UBASH3A: variants seen among roughly 807,000 people sequenced by gnomAD.
The protein encoded by UBASH3A is ubiquitin associated and SH3 domain containing A, also known as ubiquitin-associated and SH3 domain-containing protein A.
Under a neutral mutation model 73.5 loss-of-function variants are expected in UBASH3A, and 63 were observed. The observed-to-expected ratio is 0.86, with a 90% CI of 0.70 to 1.06. UBASH3A has a LOEUF of 1.06. Among genes scored for constraint, UBASH3A ranks in the 50% least tolerant of loss-of-function variants. The probability of loss-of-function intolerance (pLI) is 0.00; values close to 1 mark genes in which losing one functional copy is unlikely to be tolerated. For synonymous variants in UBASH3A, 363 were observed against 351.1 expected (o/e 1.03, Z -0.38); for missense variants, 860 against 859.0 (o/e 1.00, Z -0.02).
At chr21:42,412,075 G>A (rs2053109796) in intron 3 of UBASH3A, among the ~76,000 whole-genome samples, 1 of 152,222 alleles carries the variant, frequency 6.6e-6, no homozygotes, top group Admixed American at 6.5e-5. Context: ...ACTCCCGCCA[G>A]GAGGGTGTGG....
intron 7 of UBASH3A, 125 bp downstream of exon 7, chr21:42,418,734 C>T: frequency 1.2e-6 from 1 of 849,790 alleles, no homozygotes; most frequent in Non-Finnish European, 1.8e-6. Context: ...TGTATGCTGA[C>T]AAAATTATTC....
chr21:42,407,552 C>T (rs2053003204), intron 2 of UBASH3A, among the ~76,000 whole-genome samples: 1 of 152,240 alleles, frequency 6.6e-6, no homozygotes, highest in Non-Finnish European at 1.5e-5. Context: ...CCTAGACTGT[C>T]AAGAGCACCC....
chr21:42,418,555 T>C lies in UBASH3A; in HGVS notation c.992T>C (p.Leu331Pro), dbSNP rs2053270427. ...CAGCGGACGGGCTGCCGGGGCTTCC[T>C]GCCGGAAAACTACACGGATCGAGCC... ...ISQRTGCRGF[L>P]PENYTDRASE... The change falls in exon 7 of 15, where the codon CTG becomes CCG. Residue 331 changes from leucine to proline, a missense_variant. By Grantham distance (98) the Leu-to-Pro change is moderately conservative. Transcript: ENST00000319294. 2.5e-6 allele frequency: 4 copies of C among 1,614,180 alleles called. No homozygotes were observed. The highest frequency in any genetic ancestry group is 2.5e-6 in the Non-Finnish European group (3 of 1,180,028).
intron 11 of UBASH3A, 119 bp from the exon 12 acceptor site, chr21:42,442,333 T>A: frequency 1.9e-6 from 2 of 1,046,828 alleles, no homozygotes. Flanking sequence ...AAAATCACAC[T>A]GTTTAAAAGG....
In UBASH3A at chr21:42,439,880, C is replaced by T. The variant is rs111730085; in HGVS notation, c.1486+2300C>T. On this transcript the variant is annotated intron_variant, in intron 11 of 14. Transcript: ENST00000319294. ...CACACCACACACATAACATACAACA[C>T]GCTGAACACACATACCACACACACA... Among the ~76,000 whole-genome samples the T allele has an allele frequency of 7.3e-3, 1,056 of 144,924 alleles. 13 individuals are homozygous for T. The highest frequency in any genetic ancestry group is 0.026 in the African/African-American group (1,008 of 39,132).
chr21:42,426,689 C>G lies in UBASH3A; in HGVS notation c.1047-8C>G, dbSNP rs773200853. On this transcript the variant is annotated splice_polypyrimidine_tract_variant and splice_region_variant and intron_variant, in intron 7 of 14. Transcript: ENST00000319294. ...TTCTGTTCAAGCCGTGCTTTCCTTC[C>G]CCTGCAGGATGTACACCTTCAGTCT... 1 of 1,613,182 alleles carries G rather than the reference C, an allele frequency of 6.2e-7. No individual in the cohort carries two copies. Among genetic ancestry groups the G allele is most frequent in the African/African-American group, 1.3e-5 (1 of 74,880 alleles).
Position 42,409,595 on chromosome 21 carries a change from G to A in UBASH3A, c.341G>A (p.Cys114Tyr). 3 of 1,611,416 alleles carry A rather than the reference G, an allele frequency of 1.9e-6. No individual in the cohort carries two copies. The highest frequency in any genetic ancestry group is 2.5e-6 in the Non-Finnish European group (3 of 1,178,886). The change falls in exon 3 of 15, where the codon TGT (cysteine) becomes TAT (tyrosine). Residue 114 changes from cysteine (C) to tyrosine (Y), a missense_variant. Transcript: ENST00000319294. ...GAGGTCTTCCCACACGTGACACTCT[G>A]TGACTTCTTCACGGTGAGTCAACCC... ...AHEVFPHVTL[C>Y]DFFTCEDQKV...
chr21:42,435,148 G>A (rs1469746915), intron 10 of UBASH3A, 194 bp downstream of exon 10: 2 of 553,732 alleles, frequency 3.6e-6, no homozygotes, highest in Non-Finnish European at 6.1e-6. Flanking sequence ...AAGTGGCAAT[G>A]TAGAGGTTTG....
At chr21:42,418,318 G>A in intron 6 of UBASH3A, 83 bp from the exon 7 acceptor site, 1 of 1,212,046 alleles carries the variant, frequency 8.3e-7, no homozygotes, top group Non-Finnish European at 1.2e-6. Flanking sequence ...AGCAGGAGGT[G>A]GCAGGTGATA....
At chr21:42,404,644 C>T (rs141909426) in intron 1 of UBASH3A, among the ~76,000 whole-genome samples, 166 of 152,300 alleles carry the variant, frequency 1.1e-3, no homozygotes, top group Admixed American at 3.8e-3. Context: ...TCAAGATATT[C>T]AAACTCTAAC....
chr21:42,434,133 G>A (rs1244864449), intron 9 of UBASH3A, among the ~76,000 whole-genome samples: 1 of 152,076 alleles, frequency 6.6e-6, no homozygotes, highest in African/African-American at 2.4e-5. Context: ...GTCAGACTCT[G>A]GGCTATGGGT....
chr21:42,427,035 T>G (rs1243535159), intron 8 of UBASH3A, among the ~76,000 whole-genome samples: 1 of 152,096 alleles, frequency 6.6e-6, no homozygotes, highest in Non-Finnish European at 1.5e-5. Flanking sequence ...GAGCCACCCC[T>G]TCATGGCAGA....
intron 2 of UBASH3A, 50 bp downstream of exon 2, chr21:42,406,411 T>A (rs1460182119): frequency 6.6e-7 from 1 of 1,509,518 alleles, no homozygotes. Context: ...CTGAATTCCC[T>A]GTGCCTAAGG....
chr21:42,418,295 T>A, intron 6 of UBASH3A, 106 bp from the exon 7 acceptor site: 1 of 942,838 alleles, frequency 1.1e-6, no homozygotes. Context: ...CAGAACACAT[T>A]GGAGGGGCAG....
At chr21:42,442,328 C>T (rs1601604996) in intron 11 of UBASH3A, 124 bp from the exon 12 acceptor site, 1 of 1,023,826 alleles carries the variant, frequency 9.8e-7, no homozygotes, top group Non-Finnish European at 1.5e-6. Flanking sequence ...AGAAGAAAAT[C>T]ACACTGTTTA....
At chr21:42,442,317 A>T in intron 11 of UBASH3A, 135 bp from the exon 12 acceptor site, 2 of 955,142 alleles carry the variant, frequency 2.1e-6, no homozygotes, top group Non-Finnish European at 1.6e-6. Context: ...GGTATTTGCC[A>T]AGAAGAAAAT....
intron 12 of UBASH3A, 26 bp downstream of exon 12, chr21:42,442,622 A>G (rs1323365605): frequency 1.3e-6 from 2 of 1,578,670 alleles, no homozygotes; most frequent in Non-Finnish European, 1.7e-6. Context: ...GTTCTCTGCC[A>G]CTGGGGCTTT....
rs371183360 is a variant in UBASH3A, at chr21:42,420,469, A to G, written c.1046+1860A>G. Among the ~76,000 whole-genome samples, 3 of 152,354 alleles carry G rather than the reference A, an allele frequency of 2.0e-5. 1 individual carries two copies. The highest frequency in any genetic ancestry group is 1.9e-4 in the East Asian group (1 of 5,192). Reference sequence around the variant, plus strand: ...AACCTCCAGATACAAAGGGCTGACTATACATACATAGTATTTTATATTATA... The same window carrying G: ...AACCTCCAGATACAAAGGGCTGACTGTACATACATAGTATTTTATATTATA... On this transcript the variant is annotated intron_variant, in intron 7 of 14. Coordinates refer to ENST00000319294, the MANE Select transcript of UBASH3A (RefSeq NM_018961.4).
intron 2 of UBASH3A, among the ~76,000 whole-genome samples, chr21:42,407,453 G>A (rs9974289): frequency 0.13 from 20,149 of 152,146 alleles, 1,842 homozygotes; most frequent in East Asian, 0.28. Flanking sequence ...CAAGCCCACT[G>A]CTGTGAAGGG....
Sources: allele counts gnomAD v4.1 joint callset (sites outside exome capture counted in the v4.1 genomes callset), GRCh38; gene constraint gnomAD v4.1.1; transcripts MANE v1.5; gene names NCBI Gene and HGNC (gene_info 2026-07-23, HGNC 2026-07-21).